The following LARS2 variants were observed in gnomAD, a reference collection of about 807,000 sequenced individuals.
The protein encoded by LARS2 is leucyl-tRNA synthetase 2, mitochondrial, also known as leucine--tRNA ligase, mitochondrial.
A neutral mutation model predicts 116.6 loss-of-function variants in LARS2; 81 were observed. The ratio of observed to expected loss-of-function variants is 0.69; its 90% CI spans 0.58 to 0.84. LARS2 has a LOEUF of 0.84. Ranked by LOEUF, LARS2 falls within the 40% of genes least tolerant of loss-of-function variation. The pLI is 0.00. For missense variants in LARS2, 968 were observed against 1,114.5 expected, an observed-to-expected ratio of 0.87 and a Z score of 1.87; for synonymous variants, 396 against 407.2, an observed-to-expected ratio of 0.97 and a Z score of 0.33.
chr3:45,491,365 G>A (rs1699911269), intron 12 of LARS2, 152 bp from the exon 13 acceptor site: 8 of 654,392 alleles, frequency 1.2e-5, no homozygotes. Flanking sequence ...AAAGGCAGAA[G>A]CACCTAGGGC....
chr3:45,395,119 A>T (rs1006162179), intron 3 of LARS2, among the ~76,000 whole-genome samples: 1 of 152,166 alleles, frequency 6.6e-6, no homozygotes, highest in African/African-American at 2.4e-5. Flanking sequence ...TGGCAGGGTC[A>T]TATCTGAGAC....
At chr3:45,435,129 G>A (rs1698777710) in intron 6 of LARS2, among the ~76,000 whole-genome samples, 2 of 152,126 alleles carry the variant, frequency 1.3e-5, no homozygotes, top group Admixed American at 1.3e-4. Context: ...TCCCCACAGG[G>A]ACTCCGCTGA....
intron 7 of LARS2, among the ~76,000 whole-genome samples, chr3:45,458,289 T>C (rs905897330): frequency 1.3e-5 from 2 of 152,182 alleles, no homozygotes; most frequent in African/African-American, 2.4e-5. Context: ...AATGTGTTCT[T>C]TGTACAACTT....
At chr3:45,403,313 G>C (rs1359508802) in intron 4 of LARS2, among the ~76,000 whole-genome samples, 1 of 151,804 alleles carries the variant, frequency 6.6e-6, no homozygotes, top group African/African-American at 2.4e-5. Context: ...CTACAATTAA[G>C]CTTTTTTTTG....
At chr3:45,512,910 G>A (rs1243958026) in intron 15 of LARS2, among the ~76,000 whole-genome samples, 1 of 152,132 alleles carries the variant, frequency 6.6e-6, no homozygotes, top group Non-Finnish European at 1.5e-5. Flanking sequence ...CCAGTACTTT[G>A]GGGGGCCGAG....
intron 13 of LARS2, among the ~76,000 whole-genome samples, chr3:45,492,148 G>C (rs1034937644): frequency 6.6e-6 from 1 of 152,210 alleles, no homozygotes; most frequent in Non-Finnish European, 1.5e-5. Flanking sequence ...AGAGCCACGT[G>C]GAGAGGGGAG....
chr3:45,505,651 T>G (rs1700191013), intron 15 of LARS2, among the ~76,000 whole-genome samples: 2 of 151,996 alleles, frequency 1.3e-5, no homozygotes, highest in Admixed American at 1.3e-4. Context: ...TGATTGCCAC[T>G]GCACGCTAGC....
intron 20 of LARS2, among the ~76,000 whole-genome samples, chr3:45,535,631 G>A (rs954344757): frequency 3.3e-5 from 5 of 152,108 alleles, no homozygotes; most frequent in Non-Finnish European, 4.4e-5. Context: ...AGGAGTTGTG[G>A]GTGGTGGCCA....
rs371935714 is a variant in LARS2, at chr3:45,458,664, G to A, written c.607-79G>A. On this transcript the variant is annotated intron_variant, in intron 7 of 21. Transcript: ENST00000645846. ...ATCACGCCACTGCACTCTAGCCCGG[G>A]CGACAGTGCGACACTCCCTGTCAAA... 6.2e-5 allele frequency: 91 copies of A among 1,459,438 alleles called. No individual in the cohort carries two copies. In the African/African-American group the frequency reaches 1.1e-3, roughly 18 times the overall value. The allele number at this position is 1,459,438 out of a possible 1,614,324, so 90.4% of individuals were successfully genotyped here.
At chr3:45,447,492 T>G (rs926099817) in intron 7 of LARS2, among the ~76,000 whole-genome samples, 1 of 152,022 alleles carries the variant, frequency 6.6e-6, no homozygotes. Flanking sequence ...ATGTTATTAT[T>G]GTGGGAATGA....
chr3:45,394,423 T>A lies in LARS2; in HGVS notation c.-21-10T>A, dbSNP rs1490795147. 2.6e-6 allele frequency: 4 copies of A among 1,554,880 alleles called. No homozygotes were observed. Among genetic ancestry groups the A allele is most frequent in the East Asian group, 4.5e-5 (2 of 44,630 alleles). On this transcript the variant is annotated splice_polypyrimidine_tract_variant and intron_variant, in intron 2 of 21. Coordinates refer to ENST00000645846, the MANE Select transcript of LARS2 (RefSeq NM_015340.4). ...GCAGCTCATAGTGTGCTTTCTGCCC[T>A]CTTTTTCAGGGCCTTCTCACCTTCT...
intron 17 of LARS2, among the ~76,000 whole-genome samples, chr3:45,517,010 G>C (rs923520173): frequency 1.3e-5 from 2 of 152,230 alleles, no homozygotes; most frequent in Non-Finnish European, 2.9e-5. Context: ...CTTGAGCCTT[G>C]TGTGAAGTAT....
At chr3:45,455,272 C>CACGCCTGTAATCCCAGCA (rs1236416074) in intron 7 of LARS2, among the ~76,000 whole-genome samples, 2 of 152,042 alleles carry the variant, frequency 1.3e-5, no homozygotes, top group Non-Finnish European at 2.9e-5. Flanking sequence ...AAAATACAGT[C>CACGCCTGTAATCCCAGCA]CTATTTGTTC....
chr3:45,402,395 G>A (rs34924434), intron 4 of LARS2, among the ~76,000 whole-genome samples: 18,288 of 152,192 alleles, frequency 0.12, 1,181 homozygotes, highest in Middle Eastern at 0.17. Flanking sequence ...GAGTATTTAC[G>A]TCATGGTAAT....
At chr3:45,400,730 C>T (rs1467877379) in intron 4 of LARS2, among the ~76,000 whole-genome samples, 1 of 152,190 alleles carries the variant, frequency 6.6e-6, no homozygotes, top group Non-Finnish European at 1.5e-5. Flanking sequence ...TACAAATACA[C>T]ATCAGTGCTA....
intron 6 of LARS2, among the ~76,000 whole-genome samples, chr3:45,432,562 C>T (rs995108322): frequency 4.6e-5 from 7 of 151,620 alleles, no homozygotes; most frequent in African/African-American, 1.7e-4. Flanking sequence ...TAAAAAATCA[C>T]AAGGGAAATT....
At chr3:45,460,923 A>C (rs1699312196) in intron 8 of LARS2, among the ~76,000 whole-genome samples, 1 of 152,236 alleles carries the variant, frequency 6.6e-6, no homozygotes, top group African/African-American at 2.4e-5. Context: ...AACAAAACTC[A>C]ACATCTTTAA....
At chr3:45,465,493 C>A (rs1699405896) in intron 8 of LARS2, among the ~76,000 whole-genome samples, 1 of 152,184 alleles carries the variant, frequency 6.6e-6, no homozygotes, top group South Asian at 2.1e-4. Context: ...GAAAAGTAGA[C>A]AACTTGAGGC....
chr3:45,493,622 A>AGCC (rs1699962166), intron 13 of LARS2, among the ~76,000 whole-genome samples: 1 of 152,182 alleles, frequency 6.6e-6, no homozygotes, highest in African/African-American at 2.4e-5. Flanking sequence ...CCCCAGGGCT[A>AGCC]CTGGGGATTA....
Sources: allele counts gnomAD v4.1 joint callset (sites outside exome capture counted in the v4.1 genomes callset), GRCh38; gene constraint gnomAD v4.1.1; transcripts MANE v1.5; gene names NCBI Gene and HGNC (gene_info 2026-07-23, HGNC 2026-07-21).